The following DLG2 variants were observed in gnomAD, a reference collection of about 807,000 sequenced individuals.
DLG2 encodes the protein discs large MAGUK scaffold protein 2.
In DLG2, 45 loss-of-function variants were observed where a neutral mutation model predicts 132.5. The ratio of observed to expected loss-of-function variants is 0.34; its 90% CI spans 0.27 to 0.44. The LOEUF is 0.44. DLG2 is among the 20% of genes least tolerant of loss of function. The pLI is 1.00. For missense variants in DLG2, 1,045 were observed against 1,196.9 expected (o/e 0.87, Z 1.87); for synonymous variants, 424 against 419.6 (o/e 1.01, Z -0.13).
At chr11:83,515,322 T>A (rs2095252198) in intron 21 of DLG2, among the ~76,000 whole-genome samples, 2 of 152,212 alleles carry the variant, frequency 1.3e-5, no homozygotes, top group African/African-American at 4.8e-5. Flanking sequence ...CGTAGAGGTG[T>A]TTATAGTATT....
intron 3 of DLG2, among the ~76,000 whole-genome samples, chr11:85,332,835 G>A (rs1044761696): frequency 6.6e-6 from 1 of 152,126 alleles, no homozygotes; most frequent in Non-Finnish European, 1.5e-5. Flanking sequence ...CAAGTCCCAT[G>A]TTATTTTGGT....
chr11:85,548,920 C>T lies in DLG2; in HGVS notation c.40+49737G>A, dbSNP rs145106805. Among the ~76,000 whole-genome samples the T allele has an allele frequency of 4.0e-3, 616 of 152,246 alleles. 3 individuals are homozygous for T. The highest frequency in any genetic ancestry group is 6.1e-3 in the Non-Finnish European group (412 of 68,012). On this transcript the variant is annotated intron_variant, in intron 3 of 27. Coordinates refer to ENST00000376104, the MANE Select transcript of DLG2 (RefSeq NM_001142699.3). ...TTTCAAGCCAGTGGATCTTAGCTTG[C>T]TGGGCTCCGTGGGGGTGGGACTGCC...
At chr11:83,688,378 T>G (rs191397940) in intron 18 of DLG2, among the ~76,000 whole-genome samples, 3 of 152,284 alleles carry the variant, frequency 2.0e-5, no homozygotes, top group Non-Finnish European at 4.4e-5. Flanking sequence ...CTTTGTTAAG[T>G]ATCTAGAACA....
At chr11:85,337,657 G>A (rs1475135911) in intron 3 of DLG2, among the ~76,000 whole-genome samples, 1 of 152,184 alleles carries the variant, frequency 6.6e-6, no homozygotes, top group Admixed American at 6.5e-5. Context: ...GAATGCCTAA[G>A]TTCATCTGCT....
rs149133105 is a variant in DLG2, at chr11:83,569,720, T to C, written c.1941-27862A>G. 2.2e-3 allele frequency among the ~76,000 whole-genome samples: 329 copies of C among 152,298 alleles called. 1 individual carries two copies. Among genetic ancestry groups the C allele is most frequent in the African/African-American group, 7.3e-3 (303 of 41,556 alleles). On this transcript the variant is annotated intron_variant, in intron 19 of 27. Coordinates refer to ENST00000376104, the MANE Select transcript of DLG2 (RefSeq NM_001142699.3). Reference sequence around the variant, plus strand: ...GGAGAGAAAGGGGATTTTGAGTTAATAGAGGACATGTCACACAACAAAGAT... The same window carrying C: ...GGAGAGAAAGGGGATTTTGAGTTAACAGAGGACATGTCACACAACAAAGAT...
chr11:84,513,914 T>G (rs1439743265), intron 7 of DLG2, among the ~76,000 whole-genome samples: 3 of 151,720 alleles, frequency 2.0e-5, no homozygotes, highest in Non-Finnish European at 4.4e-5. Flanking sequence ...AACCACAAAA[T>G]GGGAGAAATC....
chr11:84,098,579 TTATAGTG>T (rs2154178559), intron 10 of DLG2, among the ~76,000 whole-genome samples: 1 of 152,310 alleles, frequency 6.6e-6, no homozygotes, highest in Admixed American at 6.5e-5. Flanking sequence ...CTAATGCTAC[TTATAGTG>T]TATCCTTTTG....
At chr11:85,174,277 T>C (rs1233535198) in intron 4 of DLG2, among the ~76,000 whole-genome samples, 2 of 152,122 alleles carry the variant, frequency 1.3e-5, no homozygotes, top group Admixed American at 1.3e-4. Flanking sequence ...CAGCCTTTCA[T>C]ACCAAAGCAC....
At chr11:83,871,233 G>T (rs1026276006) in intron 16 of DLG2, among the ~76,000 whole-genome samples, 3 of 152,142 alleles carry the variant, frequency 2.0e-5, no homozygotes, top group Admixed American at 2.0e-4. Flanking sequence ...AACTTATTCT[G>T]CTAATAGGGA....
chr11:85,205,456 G>T (rs1368488473), intron 4 of DLG2, among the ~76,000 whole-genome samples: 1 of 151,916 alleles, frequency 6.6e-6, no homozygotes, highest in African/African-American at 2.4e-5. Context: ...GAAGAAAAAA[G>T]TTACAGTGTT....
chr11:85,268,169 G>T (rs1001410722), intron 4 of DLG2, among the ~76,000 whole-genome samples: 1 of 152,082 alleles, frequency 6.6e-6, no homozygotes, highest in Non-Finnish European at 1.5e-5. Context: ...GCATGTGAAA[G>T]GAAAATATCT....
At chr11:84,973,201 T>C (rs1408839752) in intron 6 of DLG2, among the ~76,000 whole-genome samples, 1 of 152,014 alleles carries the variant, frequency 6.6e-6, no homozygotes, top group Non-Finnish European at 1.5e-5. Flanking sequence ...TCAGGTGATC[T>C]GCCTGCCTCA....
intron 6 of DLG2, among the ~76,000 whole-genome samples, chr11:84,723,865 T>A (rs2062101924): frequency 6.6e-6 from 1 of 152,166 alleles, no homozygotes; most frequent in South Asian, 2.1e-4. Flanking sequence ...CAATACACTA[T>A]TAAGCATTTC....
At chr11:85,139,151 G>GATT (rs2076303180) in intron 5 of DLG2, among the ~76,000 whole-genome samples, 1 of 151,950 alleles carries the variant, frequency 6.6e-6, no homozygotes, top group African/African-American at 2.4e-5. Flanking sequence ...TCCTCCATAT[G>GATT]ATTATCACAA....
At chr11:83,479,315 TACC>T (rs36116512) in intron 22 of DLG2, among the ~76,000 whole-genome samples, 5,088 of 152,066 alleles carry the variant, frequency 0.033, 309 homozygotes, top group African/African-American at 0.12. Flanking sequence ...TTATGTGTTG[TACC>T]ACTGTTTGGC....
At chr11:85,470,596 T>A (rs1287983828) in intron 3 of DLG2, among the ~76,000 whole-genome samples, 4 of 151,958 alleles carry the variant, frequency 2.6e-5, no homozygotes, top group African/African-American at 9.7e-5. Flanking sequence ...GGTGTTGCAT[T>A]CCCCAGCTAC....
intron 7 of DLG2, among the ~76,000 whole-genome samples, chr11:84,452,878 C>T (rs542805760): frequency 6.6e-6 from 1 of 151,644 alleles, no homozygotes; most frequent in South Asian, 2.1e-4. Flanking sequence ...AAGACCCCAT[C>T]TCCAAATAAA....
intron 3 of DLG2, among the ~76,000 whole-genome samples, chr11:85,390,760 C>G (rs1168756239): frequency 6.6e-6 from 1 of 151,672 alleles, no homozygotes; most frequent in Admixed American, 6.6e-5. Context: ...GTATCAAAAC[C>G]TATCAAAACC....
chr11:84,990,776 A>T (rs563053889), intron 6 of DLG2, among the ~76,000 whole-genome samples: 1 of 152,068 alleles, frequency 6.6e-6, no homozygotes. Flanking sequence ...AGAAAACTGG[A>T]AAGTTCCATG....
Sources: gnomAD v4.1 joint callset for allele counts (sites outside exome capture counted in the v4.1 genomes callset) on GRCh38, gnomAD v4.1.1 for gene constraint, MANE v1.5 for transcripts, NCBI Gene and HGNC (gene_info 2026-07-23, HGNC 2026-07-21) for gene names.